DDB2: variants seen among roughly 807,000 people sequenced by gnomAD.
DDB2 encodes the protein DNA damage-binding protein 2.
Under a neutral mutation model 50.5 loss-of-function variants are expected in DDB2, and 27 were observed. The ratio of observed to expected loss-of-function variants is 0.53; its 90% CI spans 0.39 to 0.74. DDB2 has a LOEUF of 0.74. Ranked by LOEUF, DDB2 falls within the 30% of genes least tolerant of loss-of-function variation. The pLI, the probability that DDB2 is intolerant of heterozygous loss-of-function variation, is 0.00. For missense variants in DDB2, 424 were observed against 545.6 expected, an observed-to-expected ratio of 0.78 and a Z score of 2.22; for synonymous variants, 176 against 205.5, an observed-to-expected ratio of 0.86 and a Z score of 1.23.
At chr11:47,226,972 T>A (rs981992652) in intron 3 of DDB2, among the ~76,000 whole-genome samples, 17 of 150,648 alleles carry the variant, frequency 1.1e-4, no homozygotes, top group South Asian at 4.2e-4. Context: ...TAAAAAAAAA[T>A]TTTTTTTTAT....
Position 47,238,015 on chromosome 11 carries a change from C to A in DDB2, c.1188+14C>A, listed in dbSNP as rs1384076747. 1.2e-6 allele frequency: 2 copies of A among 1,614,020 alleles called. No homozygotes were observed. Among genetic ancestry groups the A allele is most frequent in the South Asian group, 2.2e-5 (2 of 91,058 alleles). ...GGCATCAGTTCGGTGAGGCTTGGGT[C>A]CTCAAATAATGATGGGAGGAAGCAG... On this transcript the variant is annotated intron_variant, in intron 8 of 9. Coordinates refer to ENST00000256996, the MANE Select transcript of DDB2 (RefSeq NM_000107.3).
At chr11:47,230,385 A>G (rs1302635842) in intron 3 of DDB2, among the ~76,000 whole-genome samples, 1 of 152,182 alleles carries the variant, frequency 6.6e-6, no homozygotes, top group Admixed American at 6.5e-5. Flanking sequence ...ACTCATTATC[A>G]AGTTCTTCCA....
chr11:47,234,879 T>TAG lies in DDB2; in HGVS notation c.828_829dup (p.Gly277GlufsTer29). ...TGAAAATTTGGGACCTGCGCCAGGTTAGAGGGAAAGCCAGCTTCCTCTACT... is the reference window on the plus strand; with the variant it reads ...TGAAAATTTGGGACCTGCGCCAGGTTAGAGAGGGAAAGCCAGCTTCCTCTACT... On this transcript the variant is annotated frameshift_variant, in exon 6 of 10. Coordinates refer to ENST00000256996, the MANE Select transcript of DDB2 (RefSeq NM_000107.3). LOFTEE classifies it high-confidence loss of function. The TAG allele has an allele frequency of 6.2e-7, 1 of 1,614,230 alleles. No individual in the cohort carries two copies. The highest frequency in any genetic ancestry group is 8.5e-7 in the Non-Finnish European group (1 of 1,180,044).
chr11:47,220,947 G>A (rs1953476709), intron 3 of DDB2, among the ~76,000 whole-genome samples: 1 of 152,152 alleles, frequency 6.6e-6, no homozygotes, highest in South Asian at 2.1e-4. Flanking sequence ...ATCACCTGAG[G>A]TCAGGAGTTC....
intron 1 of DDB2, 136 bp downstream of exon 1, chr11:47,215,399 G>C (rs1021880249): frequency 9.7e-5 from 128 of 1,321,186 alleles, no homozygotes; most frequent in Non-Finnish European, 1.3e-4. Context: ...CATTCTACCT[G>C]CAGGTCCTTT....
intron 3 of DDB2, among the ~76,000 whole-genome samples, chr11:47,218,226 A>T (rs1367335742): frequency 6.6e-6 from 1 of 152,130 alleles, no homozygotes; most frequent in Non-Finnish European, 1.5e-5. Context: ...TCTGATGCTT[A>T]TTTGTATGTT....
chr11:47,225,297 T>A (rs111458546), intron 3 of DDB2, among the ~76,000 whole-genome samples: 29 of 150,052 alleles, frequency 1.9e-4, no homozygotes, highest in African/African-American at 4.4e-4. Flanking sequence ...CTGCTTTTTT[T>A]AAAAAAAATT....
intron 3 of DDB2, among the ~76,000 whole-genome samples, chr11:47,230,132 T>TAA (rs751957606): frequency 0.036 from 4,019 of 110,694 alleles, 86 homozygotes; most frequent in South Asian, 0.12. Flanking sequence ...ACCCTGTCTC[T>TAA]AAAAAAAAAA....
At chr11:47,237,695 A>G in intron 7 of DDB2, 142 bp from the exon 8 acceptor site, 1 of 828,482 alleles carries the variant, frequency 1.2e-6, no homozygotes, top group South Asian at 1.4e-5. Flanking sequence ...TCAGCCTCCC[A>G]AAGTGTTGAG....
chr11:47,217,014 T>C lies in DDB2; in HGVS notation c.421T>C (p.Phe141Leu). The C allele has an allele frequency of 1.2e-6, 2 of 1,614,102 alleles. No individual in the cohort carries two copies. The highest frequency in any genetic ancestry group is 1.7e-6 in the Non-Finnish European group (2 of 1,180,018). Residue 141 changes from phenylalanine (F) to leucine (L), a missense_variant, in exon 3 of 10, where the codon TTT (phenylalanine) becomes CTT (leucine). Coordinates refer to ENST00000256996, the MANE Select transcript of DDB2 (RefSeq NM_000107.3). The stretch of plus-strand genomic sequence containing the variant: ...AGGGGGAGATATCATGCTCTGGAAT[T>C]TTGGCATCAAGGACAAACCCACCTT... The part of the protein sequence containing the change: ...SKGGDIMLWN[F>L]GIKDKPTFIK...
In DDB2 at chr11:47,221,905, T is replaced by G. The variant is rs570674718; in HGVS notation, c.456+4856T>G. ...CTGGGTTTTTAAAATTATATCTTTA[T>G]TGAGGTATAGTGGACATAAACTGCA... On this transcript the variant is annotated intron_variant, in intron 3 of 9. Transcript: ENST00000256996. 1.4e-4 allele frequency among the ~76,000 whole-genome samples: 22 copies of G among 152,340 alleles called. 1 individual carries two copies. The South Asian group carries it at 4.6e-3, about 32-fold the overall frequency.
chr11:47,214,905 C>T (rs1008168622), upstream of DDB2: 5 of 597,310 alleles, frequency 8.4e-6, no homozygotes, highest in Non-Finnish European at 1.4e-5. Context: ...GGCACCACCC[C>T]CTCCCCGCGC....
chr11:47,221,146 C>T (rs1953479215), intron 3 of DDB2, among the ~76,000 whole-genome samples: 1 of 151,840 alleles, frequency 6.6e-6, no homozygotes. Flanking sequence ...CTGGGCGACA[C>T]AGTGAGACTC....
At position 47,219,223 on chromosome 11, in the gene DDB2, G is replaced by A. The variant is rs529200141; in HGVS notation, c.456+2174G>A. Among the ~76,000 whole-genome samples, 5 of 152,308 alleles carry A rather than the reference G, an allele frequency of 3.3e-5. No individual in the cohort carries two copies. In the South Asian group the frequency reaches 6.2e-4, roughly 19 times the overall value. ...CTCCCAAAGTGCTGGGATTACAGGC[G>A]TGAGCCACCGCCCCCAGCCAACTTT... On this transcript the variant is annotated intron_variant, in intron 3 of 9. Coordinates refer to ENST00000256996, the MANE Select transcript of DDB2 (RefSeq NM_000107.3).
intron 3 of DDB2, among the ~76,000 whole-genome samples, chr11:47,232,347 TAAAA>T (rs1301087762): frequency 6.7e-6 from 1 of 148,466 alleles, no homozygotes; most frequent in Admixed American, 6.7e-5. Flanking sequence ...AAAATAAAAA[TAAAA>T]AAAAGAAAGA....
chr11:47,234,976 G>C (rs902310303), intron 6 of DDB2, 42 bp downstream of exon 6: 2 of 1,605,714 alleles, frequency 1.2e-6, no homozygotes, highest in Non-Finnish European at 1.7e-6. Context: ...GACCCTGCCT[G>C]TCTGACCACT....
At chr11:47,214,771 TA>T (rs781389544), upstream of DDB2, 65,383 of 298,054 alleles carry the variant, frequency 0.22, 1 homozygote, top group South Asian at 0.34. Flanking sequence ...ACCCTGTTGC[TA>T]AAAAAAAAAA....
rs1591006141 is a variant in DDB2, at chr11:47,239,212, G to A, written c.*363G>A. On this transcript the variant is annotated 3_prime_UTR_variant, in exon 10 of 10. Coordinates refer to ENST00000256996, the MANE Select transcript of DDB2 (RefSeq NM_000107.3). ...TTGATATGGCCAATAAAACCATACC[G>A]ACTGAGCTTCTGCGTGGATCTTCCA... 3 of 357,708 alleles carry A rather than the reference G, an allele frequency of 8.4e-6. No homozygotes were observed. Among genetic ancestry groups the A allele is most frequent in the Non-Finnish European group, 1.6e-5 (3 of 189,006 alleles). 22.2% of individuals were successfully genotyped at this position (357,708 alleles called of 1,614,324 possible).
chr11:47,227,273 AT>A (rs780332968), intron 3 of DDB2, among the ~76,000 whole-genome samples: 19 of 150,092 alleles, frequency 1.3e-4, no homozygotes, highest in Non-Finnish European at 2.5e-4. Context: ...TGCCCGGCTA[AT>A]TTTTGTGCTT....
Sources: allele counts gnomAD v4.1 joint callset (sites outside exome capture counted in the v4.1 genomes callset), GRCh38; gene constraint gnomAD v4.1.1; transcripts MANE v1.5; gene names NCBI Gene and HGNC (gene_info 2026-07-23, HGNC 2026-07-21).